The following PCDH9 variants were observed in gnomAD, a reference collection of about 807,000 sequenced individuals.
PCDH9 encodes the protein protocadherin 9, also known as protocadherin-9.
PCDH9 carries 24 observed loss-of-function variants against 70.6 expected under a neutral mutation model. The ratio of observed to expected loss-of-function variants is 0.34; its 90% CI spans 0.25 to 0.48. The LOEUF is 0.48. Among genes scored for constraint, PCDH9 ranks in the 20% least tolerant of loss-of-function variants. The probability of loss-of-function intolerance (pLI) is 0.99; values close to 1 mark genes in which losing one functional copy is unlikely to be tolerated. For missense variants in PCDH9, 1,281 were observed against 1,503.6 expected (o/e 0.85, Z 2.45); for synonymous variants, 562 against 558.5 (o/e 1.01, Z -0.09).
At chr13:66,385,372 G>A (rs988549335) in intron 4 of PCDH9, among the ~76,000 whole-genome samples, 4 of 152,094 alleles carry the variant, frequency 2.6e-5, no homozygotes, top group Admixed American at 2.0e-4. Context: ...CTGGATATCA[G>A]AAAAGGTAAA....
chr13:66,602,756 C>G (rs1183452826), intron 4 of PCDH9, among the ~76,000 whole-genome samples: 1 of 145,738 alleles, frequency 6.9e-6, no homozygotes, highest in Non-Finnish European at 1.5e-5. Flanking sequence ...CATTTACTCA[C>G]CATTCACTCA....
intron 4 of PCDH9, among the ~76,000 whole-genome samples, chr13:66,394,530 A>G (rs1191339309): frequency 1.3e-5 from 2 of 152,194 alleles, no homozygotes; most frequent in African/African-American, 4.8e-5. Flanking sequence ...CCATAACACA[A>G]TTAAGTATGC....
intron 2 of PCDH9, among the ~76,000 whole-genome samples, chr13:66,944,817 C>CTGTGTGTGTG (rs67182136): frequency 0.046 from 6,242 of 135,316 alleles, 238 homozygotes; most frequent in African/African-American, 0.095. Flanking sequence ...CTAATCGTCT[C>CTGTGTGTGTG]TGTGTGTGTG....
chr13:67,031,491 G>A (rs2084905787), intron 2 of PCDH9, among the ~76,000 whole-genome samples: 1 of 151,922 alleles, frequency 6.6e-6, no homozygotes, highest in African/African-American at 2.4e-5. Context: ...GGTCACTTGA[G>A]GTCTGGAGTG....
intron 4 of PCDH9, among the ~76,000 whole-genome samples, chr13:66,614,615 G>T (rs140139737): frequency 0.01 from 1,531 of 152,270 alleles, 30 homozygotes; most frequent in African/African-American, 0.034. Flanking sequence ...CCGGAAGCAG[G>T]CTTTTCGAAT....
intron 2 of PCDH9, among the ~76,000 whole-genome samples, chr13:66,972,945 T>A (rs1181748388): frequency 6.6e-6 from 1 of 152,056 alleles, no homozygotes; most frequent in Non-Finnish European, 1.5e-5. Context: ...TGGGCAAATA[T>A]AAATTCATCC....
chr13:67,009,822 A>G (rs1212020881), intron 2 of PCDH9, among the ~76,000 whole-genome samples: 1 of 151,976 alleles, frequency 6.6e-6, no homozygotes, highest in Non-Finnish European at 1.5e-5. Flanking sequence ...AATGTATTAA[A>G]TACAATATAG....
At chr13:66,566,751 G>T (rs9529096) in intron 4 of PCDH9, among the ~76,000 whole-genome samples, 51,966 of 151,812 alleles carry the variant, frequency 0.34, 9,295 homozygotes, top group African/African-American at 0.44. Flanking sequence ...CGTCTTGATG[G>T]TCAATTAGCT....
At chr13:66,789,620 T>C (rs1246012545) in intron 3 of PCDH9, among the ~76,000 whole-genome samples, 1 of 152,166 alleles carries the variant, frequency 6.6e-6, no homozygotes, top group Non-Finnish European at 1.5e-5. Flanking sequence ...TATGACTCTA[T>C]ATTCTCCATT....
chr13:66,742,767 A>G (rs1337846792), intron 3 of PCDH9, among the ~76,000 whole-genome samples: 1 of 148,806 alleles, frequency 6.7e-6, no homozygotes, highest in Non-Finnish European at 1.5e-5. Flanking sequence ...TGGCCATCAG[A>G]GAAATGCAAA....
chr13:66,758,112 T>C (rs1422433864), intron 3 of PCDH9, among the ~76,000 whole-genome samples: 1 of 152,118 alleles, frequency 6.6e-6, no homozygotes, highest in Non-Finnish European at 1.5e-5. Context: ...ATATATTTAT[T>C]ATGTACAACA....
chr13:66,660,303 CT>C (rs201916393), intron 3 of PCDH9, among the ~76,000 whole-genome samples: 3 of 151,070 alleles, frequency 2.0e-5, no homozygotes, highest in African/African-American at 4.9e-5. Context: ...ATTTCTTTGC[CT>C]TTTTTTTTAC....
At chr13:66,546,142 T>C (rs1314235403) in intron 4 of PCDH9, among the ~76,000 whole-genome samples, 1 of 151,524 alleles carries the variant, frequency 6.6e-6, no homozygotes, top group Non-Finnish European at 1.5e-5. Context: ...CCGGCCATCT[T>C]TATTTTTTAA....
At chr13:67,006,397 T>C (rs1290200722) in intron 2 of PCDH9, among the ~76,000 whole-genome samples, 2 of 152,248 alleles carry the variant, frequency 1.3e-5, no homozygotes, top group African/African-American at 2.4e-5. Flanking sequence ...ATCTAGGTCA[T>C]TGGTTCTGAA....
intron 2 of PCDH9, among the ~76,000 whole-genome samples, chr13:67,177,548 A>G (rs1184685851): frequency 6.6e-6 from 1 of 151,812 alleles, no homozygotes; most frequent in East Asian, 1.9e-4. Flanking sequence ...CTGTCTTTCC[A>G]TTTCACTCCT....
intron 2 of PCDH9, among the ~76,000 whole-genome samples, chr13:66,955,488 T>C (rs1222356634): frequency 6.6e-6 from 1 of 152,164 alleles, no homozygotes; most frequent in Non-Finnish European, 1.5e-5. Context: ...TTCTGAAAAC[T>C]ATGCCTCAGA....
intron 2 of PCDH9, among the ~76,000 whole-genome samples, chr13:66,975,812 A>G (rs1340757766): frequency 6.6e-6 from 1 of 152,000 alleles, no homozygotes; most frequent in Non-Finnish European, 1.5e-5. Flanking sequence ...AATTGCCATA[A>G]AATATGGTAA....
intron 3 of PCDH9, among the ~76,000 whole-genome samples, chr13:66,871,646 T>C (rs986119628): frequency 7.9e-5 from 12 of 152,230 alleles, no homozygotes; most frequent in African/African-American, 2.9e-4. Context: ...TTAATCCCTC[T>C]ATCAATATGC....
At chr13:66,368,504 T>C (rs1956588967) in intron 4 of PCDH9, among the ~76,000 whole-genome samples, 1 of 151,782 alleles carries the variant, frequency 6.6e-6, no homozygotes, top group Non-Finnish European at 1.5e-5. Flanking sequence ...CAGAACCAGT[T>C]TCTGAAAAAA....
Sources: gnomAD v4.1 joint callset for allele counts (sites outside exome capture counted in the v4.1 genomes callset) on GRCh38, gnomAD v4.1.1 for gene constraint, MANE v1.5 for transcripts, NCBI Gene and HGNC (gene_info 2026-07-23, HGNC 2026-07-21) for gene names.